The following GABRR3 variants were observed in gnomAD, a reference collection of about 807,000 sequenced individuals.
GABRR3 encodes the protein gamma-aminobutyric acid type A receptor subunit rho3.
Under a neutral mutation model 43.2 loss-of-function variants are expected in GABRR3, and 29 were observed. The ratio of observed to expected loss-of-function variants is 0.67; its 90% CI spans 0.50 to 0.92. The LOEUF (loss-of-function observed/expected upper bound fraction) is 0.92, where lower values mean the gene tolerates loss of function less well. Among genes scored for constraint, GABRR3 ranks in the 40% least tolerant of loss-of-function variants. GABRR3 has a pLI of 0.00. For synonymous variants in GABRR3, 206 were observed against 195.9 expected (o/e 1.05, Z -0.43); for missense variants, 576 against 572.3 (o/e 1.01, Z -0.07).
intron 8 of GABRR3, among the ~76,000 whole-genome samples, chr3:97,997,199 G>C (rs1310127908): frequency 6.6e-6 from 1 of 152,178 alleles, no homozygotes; most frequent in African/African-American, 2.4e-5. Flanking sequence ...TGTGTGCTTG[G>C]AGTCATCACT....
intron 2 of GABRR3, among the ~76,000 whole-genome samples, chr3:98,031,892 T>C (rs1262603016): frequency 1.3e-5 from 2 of 152,168 alleles, no homozygotes; most frequent in South Asian, 2.1e-4. Context: ...GGATTTGCCA[T>C]GCCTGAGAAC....
At chr3:98,023,683 G>GAA (rs11413515) in intron 3 of GABRR3, among the ~76,000 whole-genome samples, 2 of 152,010 alleles carry the variant, frequency 1.3e-5, no homozygotes, top group Middle Eastern at 3.4e-3. Context: ...AGTCTCAGAA[G>GAA]AAAAAAAGAG....
exon 9 of GABRR3, chr3:97,993,024 G>A (rs746698841): frequency 1.2e-6 from 2 of 1,611,178 alleles, no homozygotes; most frequent in African/African-American, 2.7e-5. Context: ...GATGATTGTG[G>A]ACATGGTCAG....
intron 2 of GABRR3, among the ~76,000 whole-genome samples, chr3:98,033,839 G>C (rs955471097): frequency 6.6e-6 from 1 of 152,166 alleles, no homozygotes; most frequent in Non-Finnish European, 1.5e-5. Context: ...TGGAAGGGAA[G>C]TGTGAGCAGT....
chr3:97,994,649 T>C (rs1189461048), intron 8 of GABRR3, among the ~76,000 whole-genome samples: 1 of 152,236 alleles, frequency 6.6e-6, no homozygotes, highest in Non-Finnish European at 1.5e-5. Flanking sequence ...ATTACAGGTA[T>C]AGCTGAAGCC....
At chr3:98,019,481 T>C (rs1706911756) in intron 3 of GABRR3, among the ~76,000 whole-genome samples, 2 of 152,284 alleles carry the variant, frequency 1.3e-5, no homozygotes, top group South Asian at 4.1e-4. Flanking sequence ...AGGGATGGCA[T>C]GCAAATATAT....
Position 98,029,302 on chromosome 3 carries a change from T to C in GABRR3, c.126-3623A>G, listed in dbSNP as rs373541496. Among the ~76,000 whole-genome samples, 152 of 152,254 alleles carry C rather than the reference T, an allele frequency of 1.0e-3. 1 individual carries two copies. The South Asian group carries it at 0.03, about 30-fold the overall frequency. On this transcript the variant is annotated intron_variant, in intron 2 of 9. Transcript: ENST00000621172. The stretch of plus-strand genomic sequence containing the variant: ...CTTCCTGGGTCACACAAAGAAAACA[T>C]ATTTCTATGCTCCCTCTTCTCAGTG...
At chr3:97,997,162 C>A (rs1056265476) in intron 8 of GABRR3, among the ~76,000 whole-genome samples, 1 of 152,114 alleles carries the variant, frequency 6.6e-6, no homozygotes, top group African/African-American at 2.4e-5. Flanking sequence ...ACAGAAAATG[C>A]CACGTGTTCA....
chr3:97,999,136 C>T (rs1019699464), intron 8 of GABRR3: 1 of 152,086 alleles, frequency 6.6e-6, no homozygotes, highest in Non-Finnish European at 1.5e-5. Context: ...TCCCTGCTAA[C>T]CCATTAAAGT....
At chr3:98,034,207 G>A (rs1707124167) in intron 2 of GABRR3, among the ~76,000 whole-genome samples, 1 of 152,096 alleles carries the variant, frequency 6.6e-6, no homozygotes, top group Non-Finnish European at 1.5e-5. Flanking sequence ...TATGCCTGGG[G>A]CTGAAGGGAT....
chr3:98,025,211 A>G (rs112036723), intron 3 of GABRR3, among the ~76,000 whole-genome samples: 5,270 of 152,314 alleles, frequency 0.035, 320 homozygotes, highest in African/African-American at 0.12. Context: ...TCTTCCCCCA[A>G]AGCATGGCAT....
chr3:98,012,305 A>C (rs766128038), intron 5 of GABRR3, 39 bp downstream of exon 5: 5 of 1,469,896 alleles, frequency 3.4e-6, no homozygotes, highest in Non-Finnish European at 3.8e-6. Context: ...AGATGGCTGC[A>C]GTACAGGGAA....
intron 3 of GABRR3, among the ~76,000 whole-genome samples, chr3:98,022,711 C>G (rs1314031074): frequency 2.0e-5 from 3 of 152,074 alleles, no homozygotes; most frequent in African/African-American, 2.4e-5. Context: ...ATCACACAAG[C>G]CATTTGGACA....
At chr3:98,027,172 T>C (rs1245816818) in intron 2 of GABRR3, among the ~76,000 whole-genome samples, 1 of 152,202 alleles carries the variant, frequency 6.6e-6, no homozygotes, top group Middle Eastern at 3.2e-3. Context: ...TTTTATTAAA[T>C]GTCTACTATG....
chr3:98,007,843 A>C, exon 7 of GABRR3: 1 of 1,611,714 alleles, frequency 6.2e-7, no homozygotes. Context: ...TATGTTCTTC[A>C]GTATTTAAGG....
intron 3 of GABRR3, among the ~76,000 whole-genome samples, chr3:98,025,229 C>T (rs1047986373): frequency 6.6e-6 from 1 of 152,176 alleles, no homozygotes; most frequent in African/African-American, 2.4e-5. Context: ...CATTCTAGCT[C>T]ATAAGAATAT....
At chr3:97,987,747 TA>T (rs1267894404) in intron 9 of GABRR3, among the ~76,000 whole-genome samples, 3 of 152,300 alleles carry the variant, frequency 2.0e-5, no homozygotes, top group East Asian at 1.9e-4. Context: ...TGTCCCTTTT[TA>T]TTTTTTTAAC....
intron 2 of GABRR3, among the ~76,000 whole-genome samples, chr3:98,030,235 C>A (rs540915426): frequency 4.6e-4 from 70 of 151,478 alleles, no homozygotes; most frequent in African/African-American, 1.5e-3. Context: ...GTGCTTTACT[C>A]AATTATACAA....
downstream of GABRR3, among the ~76,000 whole-genome samples, chr3:97,985,331 C>T (rs534127710): frequency 2.6e-5 from 4 of 152,136 alleles, no homozygotes; most frequent in Non-Finnish European, 5.9e-5. Flanking sequence ...TTACTTGGTT[C>T]GACCAAAGAT....
Sources: gnomAD v4.1 joint callset for allele counts (sites outside exome capture counted in the v4.1 genomes callset) on GRCh38, gnomAD v4.1.1 for gene constraint, MANE v1.5 for transcripts, NCBI Gene and HGNC (gene_info 2026-07-23, HGNC 2026-07-21) for gene names.